PDE3B: variants seen among roughly 807,000 people sequenced by gnomAD.
PDE3B encodes cGMP-inhibited 3',5'-cyclic phosphodiesterase 3B.
Under a neutral mutation model 116.8 loss-of-function variants are expected in PDE3B, and 66 were observed. That is an observed-to-expected ratio of 0.56 (90% confidence interval 0.46 to 0.69). PDE3B has a LOEUF of 0.69. Among genes scored for constraint, PDE3B ranks in the 30% least tolerant of loss-of-function variants. The probability of loss-of-function intolerance (pLI) is 0.00; values close to 1 mark genes in which losing one functional copy is unlikely to be tolerated. For synonymous variants in PDE3B, 595 were observed against 533.6 expected (o/e 1.12, Z -1.59); for missense variants, 1,384 against 1,368.1 (o/e 1.01, Z -0.18).
the PDE3B span, among the ~76,000 whole-genome samples, chr11:14,890,200 G>C: frequency 6.6e-6 from 1 of 151,588 alleles, no homozygotes; most frequent in African/African-American, 2.4e-5. Context: ...TCTGTTTTCT[G>C]TTGTTATTCT....
At chr11:14,668,869 T>C (rs899400343) in intron 1 of PDE3B, among the ~76,000 whole-genome samples, 1 of 88,170 alleles carries the variant, frequency 1.1e-5, no homozygotes, top group African/African-American at 4.6e-5. Flanking sequence ...AGTAGAATTG[T>C]TTTGGAAGCT....
chr11:14,891,960 C>G, the PDE3B span: 8 of 1,609,734 alleles, frequency 5.0e-6, no homozygotes, highest in Non-Finnish European at 6.8e-6. Flanking sequence ...CCTCCCTGCC[C>G]GGGGCCCGTC....
At chr11:14,657,915 T>C (rs1223649646) in intron 1 of PDE3B, among the ~76,000 whole-genome samples, 1 of 152,228 alleles carries the variant, frequency 6.6e-6, no homozygotes, top group Non-Finnish European at 1.5e-5. Flanking sequence ...CTGATAAAGC[T>C]GTTATTCGAA....
the PDE3B span, chr11:14,890,442 T>TA: frequency 1.0e-6 from 1 of 981,602 alleles, no homozygotes; most frequent in Non-Finnish European, 1.2e-6. Context: ...CTTTATTATC[T>TA]CGTCCAGCTT....
At chr11:14,795,226 G>A (rs138057969) in intron 4 of PDE3B, among the ~76,000 whole-genome samples, 2 of 152,300 alleles carry the variant, frequency 1.3e-5, no homozygotes, top group African/African-American at 4.8e-5. Context: ...CTATCCTGAA[G>A]CTACCTAGAA....
chr11:14,867,982 T>C (rs567337656), intron 15 of PDE3B, among the ~76,000 whole-genome samples: 77 of 152,294 alleles, frequency 5.1e-4, no homozygotes, highest in African/African-American at 1.8e-3. Context: ...TCTCAAGCAT[T>C]TTGAATAGGG....
intron 12 of PDE3B, among the ~76,000 whole-genome samples, chr11:14,846,843 G>T (rs1847615054): frequency 6.6e-6 from 1 of 152,136 alleles, no homozygotes; most frequent in South Asian, 2.1e-4. Context: ...CATAAAGCAA[G>T]TCCTGAGTAA....
chr11:14,840,076 C>T (rs192313885), intron 11 of PDE3B, among the ~76,000 whole-genome samples: 1 of 152,244 alleles, frequency 6.6e-6, no homozygotes, highest in African/African-American at 2.4e-5. Context: ...GTATGTGCAA[C>T]CCAGAGCAAG....
intron 1 of PDE3B, among the ~76,000 whole-genome samples, chr11:14,764,958 T>C (rs1406313241): frequency 6.6e-6 from 1 of 151,954 alleles, no homozygotes; most frequent in Non-Finnish European, 1.5e-5. Flanking sequence ...CTTTGCACTT[T>C]AAACAATTAG....
intron 5 of PDE3B, among the ~76,000 whole-genome samples, chr11:14,811,686 T>A (rs1480558942): frequency 6.6e-6 from 1 of 151,980 alleles, no homozygotes; most frequent in Non-Finnish European, 1.5e-5. Context: ...AGAAAGTCAT[T>A]GGTAGCTTGA....
chr11:14,858,073 G>T (rs1555006457), intron 12 of PDE3B, among the ~76,000 whole-genome samples: 1 of 152,108 alleles, frequency 6.6e-6, no homozygotes, highest in Admixed American at 6.6e-5. Context: ...TAATCACTTA[G>T]TGTTATGCAT....
chr11:14,894,152 C>T, the PDE3B span, among the ~76,000 whole-genome samples: 1 of 152,180 alleles, frequency 6.6e-6, no homozygotes, highest in Non-Finnish European at 1.5e-5. Flanking sequence ...TCTGCAGCCA[C>T]AGAATATCTA....
intron 1 of PDE3B, among the ~76,000 whole-genome samples, chr11:14,685,245 C>T (rs1219009517): frequency 2.0e-5 from 3 of 152,026 alleles, no homozygotes; most frequent in East Asian, 1.9e-4. Flanking sequence ...GTTCCTCTGC[C>T]GCAGCTCCAG....
Position 14,837,061 on chromosome 11 carries a change from A to G in PDE3B, c.2320+1966A>G, listed in dbSNP as rs192469141. Among the ~76,000 whole-genome samples the G allele has an allele frequency of 4.7e-3, 718 of 152,260 alleles. 4 individuals carry two copies. Among genetic ancestry groups the G allele is most frequent in the African/African-American group, 0.016 (655 of 41,550 alleles). On this transcript the variant is annotated intron_variant, in intron 11 of 15. Coordinates refer to ENST00000282096, the MANE Select transcript of PDE3B (RefSeq NM_000922.4). ...ACTCCTGAGCTCAGGCAATCCGCCC[A>G]CCTCAGCCTCTCAAAGTGTTAGGAT...
chr11:14,675,453 T>C (rs937758402), intron 1 of PDE3B, among the ~76,000 whole-genome samples: 5 of 152,194 alleles, frequency 3.3e-5, no homozygotes, highest in Non-Finnish European at 7.4e-5. Flanking sequence ...TTGATGGTTA[T>C]ATACACTTAT....
At chr11:14,645,499 T>C (rs1853375187) in intron 1 of PDE3B, among the ~76,000 whole-genome samples, 1 of 152,212 alleles carries the variant, frequency 6.6e-6, no homozygotes, top group Non-Finnish European at 1.5e-5. Context: ...AGAGGATACA[T>C]CTATGAGTTT....
the PDE3B span, chr11:14,891,568 T>G: frequency 9.7e-7 from 1 of 1,030,696 alleles, no homozygotes; most frequent in Non-Finnish European, 1.2e-6. Flanking sequence ...GCCTTGATTT[T>G]CCGACAAGCC....
rs115953982 is a variant in PDE3B, at chr11:14,744,720, A to G, written c.979-27217A>G. On this transcript the variant is annotated intron_variant, in intron 1 of 15. Coordinates refer to ENST00000282096, the MANE Select transcript of PDE3B (RefSeq NM_000922.4). Reference sequence around the variant, plus strand: ...GGAAATGAGATAGGGAAGCAGGGTCAGTGTATGTGACTTTCTAATAAAAGA... The same window carrying G: ...GGAAATGAGATAGGGAAGCAGGGTCGGTGTATGTGACTTTCTAATAAAAGA... Among the ~76,000 whole-genome samples, 347 of 152,356 alleles carry G rather than the reference A, an allele frequency of 2.3e-3. 2 individuals are homozygous for G. Among genetic ancestry groups the G allele is most frequent in the African/African-American group, 7.8e-3 (324 of 41,588 alleles).
chr11:14,866,048 CTG>C (rs1227348320), intron 14 of PDE3B, among the ~76,000 whole-genome samples: 18 of 152,244 alleles, frequency 1.2e-4, no homozygotes, highest in Admixed American at 4.6e-4. Flanking sequence ...CTTAACCTCT[CTG>C]TGCCAGTTTC....
Sources: gnomAD v4.1 joint callset for allele counts (sites outside exome capture counted in the v4.1 genomes callset) on GRCh38, gnomAD v4.1.1 for gene constraint, MANE v1.5 for transcripts, NCBI Gene and HGNC (gene_info 2026-07-23, HGNC 2026-07-21) for gene names.